The following DOCK8 variants were observed in gnomAD, a reference collection of about 807,000 sequenced individuals.
DOCK8 encodes the protein dedicator of cytokinesis 8, also known as dedicator of cytokinesis protein 8.
In DOCK8, 141 loss-of-function variants were observed where a neutral mutation model predicts 245.6. That is an observed-to-expected ratio of 0.57 (90% confidence interval 0.50 to 0.66). The LOEUF (loss-of-function observed/expected upper bound fraction) is 0.66. Among genes scored for constraint, DOCK8 ranks in the 30% least tolerant of loss-of-function variants. The probability of loss-of-function intolerance (pLI) is 0.00; values close to 1 mark genes in which losing one functional copy is unlikely to be tolerated. For synonymous variants in DOCK8, 1,168 were observed against 970.2 expected (o/e 1.20, Z -3.79); for missense variants, 2,965 against 2,603.4 (o/e 1.14, Z -3.02).
intron 26 of DOCK8, among the ~76,000 whole-genome samples, chr9:402,074 C>T (rs914547478): frequency 2.0e-5 from 3 of 152,136 alleles, no homozygotes; most frequent in Non-Finnish European, 2.9e-5. Flanking sequence ...TGAAAGATAC[C>T]CTAGATCACC....
At chr9:411,567 T>A (rs564400681) in intron 28 of DOCK8, among the ~76,000 whole-genome samples, 104 of 152,252 alleles carry the variant, frequency 6.8e-4, no homozygotes, top group Non-Finnish European at 1.4e-3. Context: ...TTCCAACGAA[T>A]GGAAGAGGTG....
At chr9:429,104 T>C (rs1360650610) in intron 35 of DOCK8, among the ~76,000 whole-genome samples, 1 of 152,140 alleles carries the variant, frequency 6.6e-6, no homozygotes, top group Non-Finnish European at 1.5e-5. Flanking sequence ...AGTATTGGGA[T>C]TATAGGCGTG....
At position 289,573 on chromosome 9, in the gene DOCK8, G is replaced by T. The variant is rs753102939; in HGVS notation, c.396G>T (p.Val132=). 2.4e-5 allele frequency: 38 copies of T among 1,610,774 alleles called. No individual in the cohort carries two copies. The highest frequency in any genetic ancestry group is 3.1e-5 in the Non-Finnish European group (37 of 1,178,514). The part of the protein sequence containing the change: ...VQTYIREWLI[V]NRKNQGSPEI... ...CCTACATCCGTGAGTGGCTAATCGT[G>T]AACCGGAAGTAAGTTACTTTTTTTC... Residue 132 remains valine, a synonymous_variant, in exon 4 of 48, where the codon GTG becomes GTT. Coordinates refer to ENST00000432829, the MANE Select transcript of DOCK8 (RefSeq NM_203447.4).
At chr9:400,595 TCCACCATCACCACCACCACCTCCA>T (rs2054901715) in intron 26 of DOCK8, among the ~76,000 whole-genome samples, 2 of 52,802 alleles carry the variant, frequency 3.8e-5, no homozygotes, top group Non-Finnish European at 6.7e-5. Context: ...CACCACCACC[TCCACCATCACCACCACCACCTCCA>T]CCACCATCAC....
chr9:289,177 A>G (rs2048939574), intron 3 of DOCK8, among the ~76,000 whole-genome samples: 1 of 152,184 alleles, frequency 6.6e-6, no homozygotes, highest in Non-Finnish European at 1.5e-5. Context: ...AGAGATAGGT[A>G]TTTATACTTA....
At chr9:229,276 A>G (rs1380850415) in intron 1 of DOCK8, among the ~76,000 whole-genome samples, 1 of 152,216 alleles carries the variant, frequency 6.6e-6, no homozygotes. Context: ...CCCTACGTAT[A>G]TCACAATACC....
intron 14 of DOCK8, among the ~76,000 whole-genome samples, chr9:364,375 G>A (rs572434089): frequency 1.3e-5 from 2 of 152,302 alleles, no homozygotes; most frequent in South Asian, 4.1e-4. Flanking sequence ...ACTTGTGCCT[G>A]TAATTCCAGC....
rs2055452804 is a variant in DOCK8 at position 406,940 on chromosome 9, C to T, written c.3401C>T (p.Ser1134Phe). 1 of 1,613,998 alleles carries T rather than the reference C, an allele frequency of 6.2e-7. No homozygotes were observed. The highest frequency in any genetic ancestry group is 1.3e-5 in the African/African-American group (1 of 74,898). ...CPSISSQNSS[S>F]CSSFQDQKIA... Reference sequence around the variant, plus strand: ...CTTACGTTTCTGTAGAACTCAAGCTCCTGCTCCAGCTTCCAGGACCAGAAG... The same window carrying T: ...CTTACGTTTCTGTAGAACTCAAGCTTCTGCTCCAGCTTCCAGGACCAGAAG... Residue 1134 changes from serine to phenylalanine, a missense_variant, in exon 28 of 48, where the codon TCC becomes TTC. By Grantham distance (155) the Ser-to-Phe change is radical. Around this residue, in one of 3 missense-constraint regions of DOCK8, gnomAD observed 2,825 missense variants for 2,453.5 expected, o/e 1.15. Coordinates refer to ENST00000432829, the MANE Select transcript of DOCK8 (RefSeq NM_203447.4).
chr9:452,394 A>G (rs2057497697), intron 46 of DOCK8: 1 of 216,830 alleles, frequency 4.6e-6, no homozygotes, highest in South Asian at 1.0e-4. Flanking sequence ...CAACTATGAA[A>G]CGCTTTTGTG....
intron 35 of DOCK8, among the ~76,000 whole-genome samples, chr9:429,421 T>C (rs1476623940): frequency 6.6e-6 from 1 of 152,232 alleles, no homozygotes; most frequent in Non-Finnish European, 1.5e-5. Flanking sequence ...CAGGTTTCCT[T>C]CCATCATAGT....
At position 418,582 on chromosome 9, in the gene DOCK8, C is replaced by G. The variant is rs534024912; in HGVS notation, c.3840+375C>G. ...TGTGCCCAGCCTCTTCTGTCATCTTCTGATGGGAGAACTCAGCTTAGAGCA... is the reference window on the plus strand; with the variant it reads ...TGTGCCCAGCCTCTTCTGTCATCTTGTGATGGGAGAACTCAGCTTAGAGCA... On this transcript the variant is annotated intron_variant, in intron 30 of 47. Transcript: ENST00000432829. 2.4e-4 allele frequency among the ~76,000 whole-genome samples: 37 copies of G among 152,302 alleles called. No homozygotes were observed. The South Asian group carries it at 7.5e-3, about 31-fold the overall frequency.
chr9:296,894 C>T (rs1474973362), intron 4 of DOCK8, among the ~76,000 whole-genome samples: 2 of 152,188 alleles, frequency 1.3e-5, no homozygotes, highest in Non-Finnish European at 2.9e-5. Flanking sequence ...TTAACACACA[C>T]CAGCCTGGTT....
intron 1 of DOCK8, among the ~76,000 whole-genome samples, chr9:224,364 A>T (rs2046946515): frequency 6.6e-6 from 1 of 152,200 alleles, no homozygotes; most frequent in Admixed American, 6.5e-5. Context: ...GTTTTAAAAC[A>T]CAGAATAAAA....
At chr9:397,282 CAG>C (rs1294982512) in intron 25 of DOCK8, among the ~76,000 whole-genome samples, 2 of 146,508 alleles carry the variant, frequency 1.4e-5, no homozygotes, top group Non-Finnish European at 3.0e-5. Flanking sequence ...ACCTGGGAGA[CAG>C]AGGTTGCAGT....
chr9:446,223 T>G lies in DOCK8; in HGVS notation c.5581-147T>G, dbSNP rs151031200. The G allele has an allele frequency of 3.6e-3, 2,669 of 750,560 alleles. 17 individuals carry two copies. The highest frequency in any genetic ancestry group is 0.019 in the Middle Eastern group (59 of 3,112). 46.5% of individuals were successfully genotyped at this position (750,560 alleles called of 1,614,324 possible). ...GGGGGTGGAGAGGAGGAACTTCTGC[T>G]GGCCACATTCTCCCCTGCATCTGTA... is the stretch of plus-strand genomic sequence containing the variant. On this transcript the variant is annotated intron_variant, in intron 43 of 47. Transcript: ENST00000432829.
intron 3 of DOCK8, 110 bp downstream of exon 3, chr9:286,746 C>A: frequency 9.7e-7 from 1 of 1,035,872 alleles, no homozygotes; most frequent in Non-Finnish European, 1.5e-6. Context: ...TAAAATTACT[C>A]AATCCATTCA....
At chr9:401,433 G>C (rs554147057) in intron 26 of DOCK8, among the ~76,000 whole-genome samples, 2 of 152,244 alleles carry the variant, frequency 1.3e-5, no homozygotes, top group Admixed American at 1.3e-4. Context: ...ATCTGGGTGA[G>C]GCTGCTCCAC....
intron 15 of DOCK8, chr9:369,065 T>TA (rs2053162824): frequency 6.6e-6 from 1 of 151,940 alleles, no homozygotes; most frequent in African/African-American, 2.4e-5. Flanking sequence ...CTTGGCCTCC[T>TA]AAAGTGCTGG....
upstream of DOCK8, chr9:214,672 G>T (rs377189483): frequency 1.3e-6 from 2 of 1,593,250 alleles, no homozygotes; most frequent in South Asian, 1.1e-5. Flanking sequence ...GAGGTCGGCG[G>T]CCCCGGGCAG....
Sources: gnomAD v4.1 joint callset for allele counts (sites outside exome capture counted in the v4.1 genomes callset) on GRCh38, gnomAD v4.1.1 for gene constraint, gnomAD v4.1.1 regional missense constraint, MANE v1.5 for transcripts, NCBI Gene and HGNC (gene_info 2026-07-23, HGNC 2026-07-21) for gene names.